The following KCNMB2 variants were observed in gnomAD, a reference collection of about 807,000 sequenced individuals.
KCNMB2 encodes the protein potassium calcium-activated channel subfamily M regulatory beta subunit 2, also known as calcium-activated potassium channel subunit beta-2.
A neutral mutation model predicts 24.5 loss-of-function variants in KCNMB2; 9 were observed. The observed-to-expected ratio is 0.37, with a 90% CI of 0.22 to 0.64. KCNMB2 has a LOEUF of 0.64. Among genes scored for constraint, KCNMB2 ranks in the 30% least tolerant of loss-of-function variants. KCNMB2 has a pLI of 0.63. For missense variants in KCNMB2, 226 were observed against 284.3 expected (o/e 0.79, Z 1.47); for synonymous variants, 109 against 104.4 (o/e 1.04, Z -0.27).
intron 1 of KCNMB2, among the ~76,000 whole-genome samples, chr3:178,691,695 G>A (rs1430666324): frequency 6.6e-6 from 1 of 152,116 alleles, no homozygotes; most frequent in Non-Finnish European, 1.5e-5. Flanking sequence ...CTCTGCTATT[G>A]TGAATAGTGC....
At chr3:178,547,328 GAACT>G (rs1715807153) in intron 1 of KCNMB2, among the ~76,000 whole-genome samples, 1 of 152,160 alleles carries the variant, frequency 6.6e-6, no homozygotes, top group Admixed American at 6.5e-5. Flanking sequence ...AGCATAAAAT[GAACT>G]AAGACAGAAA....
intron 4 of KCNMB2, among the ~76,000 whole-genome samples, chr3:178,829,025 T>TTC (rs1714952148): frequency 6.6e-6 from 1 of 152,000 alleles, no homozygotes; most frequent in Non-Finnish European, 1.5e-5. Context: ...TCCACTAAGA[T>TTC]ATTCAAGTCC....
At chr3:178,686,066 T>G (rs1008350776) in intron 1 of KCNMB2, among the ~76,000 whole-genome samples, 1 of 151,710 alleles carries the variant, frequency 6.6e-6, no homozygotes, top group Admixed American at 6.6e-5. Context: ...GAGAGAGAGA[T>G]AATAAACCTT....
At chr3:178,637,945 C>T (rs2108545401) in intron 1 of KCNMB2, among the ~76,000 whole-genome samples, 1 of 152,110 alleles carries the variant, frequency 6.6e-6, no homozygotes, top group South Asian at 2.1e-4. Context: ...TTGAGGAGTC[C>T]CAGCACCCTC....
chr3:178,560,685 T>C (rs1188001507), intron 1 of KCNMB2, among the ~76,000 whole-genome samples: 1 of 152,274 alleles, frequency 6.6e-6, no homozygotes, highest in Non-Finnish European at 1.5e-5. Flanking sequence ...TGACTTAAGG[T>C]GATAAAGATT....
At chr3:178,651,493 C>T (rs1012357915) in intron 1 of KCNMB2, among the ~76,000 whole-genome samples, 1 of 152,138 alleles carries the variant, frequency 6.6e-6, no homozygotes, top group Non-Finnish European at 1.5e-5. Flanking sequence ...GGCCATACTG[C>T]CCAAAGGAAT....
chr3:178,716,441 A>ATT (rs35949431), intron 1 of KCNMB2, among the ~76,000 whole-genome samples: 5 of 128,686 alleles, frequency 3.9e-5, no homozygotes, highest in Admixed American at 8.0e-5. Flanking sequence ...TAAAACCTGC[A>ATT]TTTTTTTTTT....
chr3:178,735,661 T>G (rs932413864), intron 1 of KCNMB2, among the ~76,000 whole-genome samples: 2 of 152,248 alleles, frequency 1.3e-5, no homozygotes, highest in Non-Finnish European at 2.9e-5. Context: ...GAGCATTGTA[T>G]ACATTTTAAG....
chr3:178,807,285 A>T (rs1466567924), intron 1 of KCNMB2, 58 bp from the exon 2 acceptor site: 2 of 674,126 alleles, frequency 3.0e-6, no homozygotes, highest in African/African-American at 3.6e-5. Flanking sequence ...TTGTTATGTA[A>T]GAGTCAATCC....
chr3:178,629,828 T>C (rs1719251492), intron 1 of KCNMB2, among the ~76,000 whole-genome samples: 1 of 152,194 alleles, frequency 6.6e-6, no homozygotes, highest in Admixed American at 6.5e-5. Flanking sequence ...CTCATTAAGT[T>C]TGGGCCCATT....
chr3:178,607,350 C>T (rs1470338402), intron 1 of KCNMB2, among the ~76,000 whole-genome samples: 1 of 152,148 alleles, frequency 6.6e-6, no homozygotes, highest in Non-Finnish European at 1.5e-5. Flanking sequence ...AAAAGACAGG[C>T]AGGATTGTGG....
At chr3:178,713,790 G>A (rs1722529957) in intron 1 of KCNMB2, among the ~76,000 whole-genome samples, 1 of 152,132 alleles carries the variant, frequency 6.6e-6, no homozygotes, top group Admixed American at 6.5e-5. Flanking sequence ...TTTAATGAAT[G>A]GAGGCCCTTG....
At chr3:178,703,943 G>A (rs754869901) in intron 1 of KCNMB2, among the ~76,000 whole-genome samples, 21 of 152,074 alleles carry the variant, frequency 1.4e-4, no homozygotes, top group Non-Finnish European at 2.8e-4. Context: ...TTTAAGTCCA[G>A]AAAAAATTCA....
intron 1 of KCNMB2, among the ~76,000 whole-genome samples, chr3:178,558,061 G>A (rs530813407): frequency 6.6e-6 from 1 of 151,918 alleles, no homozygotes; most frequent in Non-Finnish European, 1.5e-5. Context: ...CTCTTTGCAA[G>A]AGAGAAAAAA....
At chr3:178,682,966 A>T (rs540215592) in intron 1 of KCNMB2, among the ~76,000 whole-genome samples, 1 of 152,152 alleles carries the variant, frequency 6.6e-6, no homozygotes, top group African/African-American at 2.4e-5. Context: ...TGATCTCATT[A>T]TCAACACAGT....
rs1284495768 is a variant in KCNMB2 at position 178,825,566 on chromosome 3, A to T, written c.57-22A>T. 3.7e-6 allele frequency: 6 copies of T among 1,601,342 alleles called. No homozygotes were observed. The South Asian group carries it at 5.5e-5, about 15-fold the overall frequency. On this transcript the variant is annotated intron_variant, in intron 2 of 4. Transcript: ENST00000452583. Reference sequence around the variant, plus strand: ...GCTGATTAACTAAACTTAATGTAAGACCATATTGTTTTTAACCTCAGAAAT... The same window carrying T: ...GCTGATTAACTAAACTTAATGTAAGTCCATATTGTTTTTAACCTCAGAAAT...
At chr3:178,569,082 T>C (rs1276483602) in intron 1 of KCNMB2, among the ~76,000 whole-genome samples, 3 of 140,674 alleles carry the variant, frequency 2.1e-5, no homozygotes, top group Non-Finnish European at 4.8e-5. Flanking sequence ...TGCTCAAAAA[T>C]GTTCTCTCTT....
At chr3:178,558,032 A>C (rs971350898) in intron 1 of KCNMB2, among the ~76,000 whole-genome samples, 4 of 152,194 alleles carry the variant, frequency 2.6e-5, no homozygotes, top group African/African-American at 9.7e-5. Context: ...TAATAAGAAA[A>C]TCTGTAAATT....
chr3:178,633,155 G>A (rs914757768), intron 1 of KCNMB2, among the ~76,000 whole-genome samples: 7 of 152,170 alleles, frequency 4.6e-5, no homozygotes, highest in African/African-American at 1.7e-4. Context: ...GGCATTGAGT[G>A]TCTGCAACTT....
Sources: gnomAD v4.1 joint callset for allele counts (sites outside exome capture counted in the v4.1 genomes callset) on GRCh38, gnomAD v4.1.1 for gene constraint, MANE v1.5 for transcripts, NCBI Gene and HGNC (gene_info 2026-07-23, HGNC 2026-07-21) for gene names.